FAM240C: variants seen among roughly 807,000 people sequenced by gnomAD.
The protein encoded by FAM240C is family with sequence similarity 240 member C.
A neutral mutation model predicts 10.0 loss-of-function variants in FAM240C; 14 were observed. The observed-to-expected ratio is 1.40, with a 90% CI of 0.92 to 2.19. The LOEUF is 2.19. Among genes scored for constraint, FAM240C ranks in the 30% most tolerant of loss-of-function variants. The pLI, the probability that FAM240C is intolerant of heterozygous loss-of-function variation, is 0.00. For missense variants in FAM240C, 154 were observed against 122.3 expected, an observed-to-expected ratio of 1.26 and a Z score of -1.22; for synonymous variants, 49 against 44.3, an observed-to-expected ratio of 1.11 and a Z score of -0.42.
intron 1 of FAM240C, 129 bp from the exon 2 acceptor site, chr2:241,897,463 T>G (rs13025557): frequency 0.71 from 798,805 of 1,131,508 alleles, 285,572 homozygotes; most frequent in East Asian, 0.94. Flanking sequence ...CCTTCCTGGT[T>G]CGTGGGGGAT....
chr2:241,897,539 G>A (rs28652708), intron 1 of FAM240C, among the ~76,000 whole-genome samples: 7,411 of 152,184 alleles, frequency 0.049, 602 homozygotes, highest in African/African-American at 0.17. Flanking sequence ...ACGCTCTACC[G>A]GCTCCACCTT....
rs1257614498 is a variant in FAM240C, at chr2:241,897,278, G to T, written c.69C>A (p.Gly23=). ...TTTTCTCCCAAAACATCTTTATCCC[G>T]CCTGAATCGTATGCTACTCTTCCAG... The part of the protein sequence containing the change: ...KNPGRVAYDS[G]GIKMFWEKKI... Residue 23 remains glycine, a synonymous_variant, in exon 2 of 3, where the codon GGC becomes GGA. Coordinates refer to ENST00000404031, the MANE Select transcript of FAM240C (RefSeq NM_001382368.1). 5.2e-6 allele frequency: 8 copies of T among 1,549,676 alleles called. No homozygotes were observed. Among genetic ancestry groups the T allele is most frequent in the Non-Finnish European group, 6.1e-6 (7 of 1,146,516 alleles).
intron 2 of FAM240C, among the ~76,000 whole-genome samples, chr2:241,896,573 G>GGGGTGTGGGTGTT (rs1701815960): frequency 1.1e-4 from 2 of 18,806 alleles, no homozygotes; most frequent in African/African-American, 3.2e-4. Context: ...GTGTGGGTGT[G>GGGGTGTGGGTGTT]GGGGTGTGGG....
upstream of FAM240C, among the ~76,000 whole-genome samples, chr2:241,901,286 C>G (rs1210257986): frequency 6.6e-6 from 1 of 152,198 alleles, no homozygotes; most frequent in East Asian, 1.9e-4. This position sits in a 1 kb window ranked among gnomAD's most constrained non-coding sequence, Gnocchi z 4.9. Flanking sequence ...ATCCATCCCT[C>G]CAGGCCTCAG....
At chr2:241,897,497 C>T (rs1701881502) in intron 1 of FAM240C, among the ~76,000 whole-genome samples, 163 bp from the exon 2 acceptor site, 1 of 152,174 alleles carries the variant, frequency 6.6e-6, no homozygotes. Context: ...CTCTGAGACT[C>T]AGGCCTCAGG....
chr2:241,901,838 C>T (rs1701990074), upstream of FAM240C, among the ~76,000 whole-genome samples: 2 of 152,206 alleles, frequency 1.3e-5, no homozygotes, highest in Admixed American at 6.5e-5. The surrounding 1 kb of genome is among the most constrained non-coding windows in gnomAD (Gnocchi z 4.9). Flanking sequence ...AGGTCCTATG[C>T]GCGAGCGCCC....
chr2:241,894,398 C>T (rs1354666524), intron 2 of FAM240C, 59 bp from the exon 3 acceptor site: 3 of 1,502,996 alleles, frequency 2.0e-6, no homozygotes, highest in Non-Finnish European at 2.7e-6. Context: ...TAGTGACGGC[C>T]AAGCCCGTGT....
At chr2:241,896,281 A>G (rs1266324207) in intron 2 of FAM240C, among the ~76,000 whole-genome samples, 1 of 152,188 alleles carries the variant, frequency 6.6e-6, no homozygotes, top group African/African-American at 2.4e-5. Context: ...CTCAGCACCC[A>G]TAGACCCCTG....
At chr2:241,895,757 G>A (rs1003345070) in intron 2 of FAM240C, among the ~76,000 whole-genome samples, 1 of 152,194 alleles carries the variant, frequency 6.6e-6, no homozygotes, top group African/African-American at 2.4e-5. Context: ...CACCTCAGGG[G>A]CCAGAGAAGG....
At chr2:241,898,697 C>A (rs534352915) in intron 1 of FAM240C, among the ~76,000 whole-genome samples, 5 of 152,340 alleles carry the variant, frequency 3.3e-5, no homozygotes, top group African/African-American at 1.2e-4. Context: ...ACGCGTGGAG[C>A]CTGGGTCCCT....
At chr2:241,898,451 C>T (rs1440042112) in intron 1 of FAM240C, among the ~76,000 whole-genome samples, 1 of 152,168 alleles carries the variant, frequency 6.6e-6, no homozygotes, top group Non-Finnish European at 1.5e-5. Flanking sequence ...ACTCTGGAGG[C>T]TGAGGCAGGA....
chr2:241,896,648 TGTGGGTGAA>T, intron 2 of FAM240C, among the ~76,000 whole-genome samples: 1 of 23,516 alleles, frequency 4.3e-5, no homozygotes, highest in Non-Finnish European at 9.6e-5. Context: ...GGTGAAGGGG[TGTGGGTGAA>T]GGGGTGTGGG....
At chr2:241,899,376 T>A in intron 1 of FAM240C, 1 of 980,192 alleles carries the variant, frequency 1.0e-6, no homozygotes, top group Non-Finnish European at 1.2e-6. Flanking sequence ...GCAAAGTTGA[T>A]CATGAAGGGA....
At chr2:241,895,683 T>C (rs1419590785) in intron 2 of FAM240C, among the ~76,000 whole-genome samples, 1 of 152,122 alleles carries the variant, frequency 6.6e-6, no homozygotes, top group East Asian at 1.9e-4. Context: ...GGAGGGGGGT[T>C]GTGCAAATGG....
chr2:241,898,595 G>A (rs567282627), intron 1 of FAM240C, among the ~76,000 whole-genome samples: 2 of 125,372 alleles, frequency 1.6e-5, no homozygotes, highest in African/African-American at 6.2e-5. Flanking sequence ...GTGACAAAGG[G>A]AAAGTGTCGA....
At chr2:241,897,514 C>T (rs1319452870) in intron 1 of FAM240C, among the ~76,000 whole-genome samples, 180 bp from the exon 2 acceptor site, 1 of 152,152 alleles carries the variant, frequency 6.6e-6, no homozygotes, top group Non-Finnish European at 1.5e-5. Flanking sequence ...CAGGTGGCTC[C>T]TGACCGGCTC....
At chr2:241,898,977 T>C in intron 1 of FAM240C, 1 of 586,840 alleles carries the variant, frequency 1.7e-6, no homozygotes, top group Non-Finnish European at 2.9e-6. Context: ...TGGCCTTGCT[T>C]GGCCTTGGAG....
intron 2 of FAM240C, 127 bp from the exon 3 acceptor site, chr2:241,894,466 G>C (rs554144276): frequency 1.8e-6 from 2 of 1,084,154 alleles, no homozygotes; most frequent in Non-Finnish European, 1.3e-6. Flanking sequence ...CCAGGGGTGG[G>C]GGTGTCACCG....
At chr2:241,900,562 G>A (rs768727829), upstream of FAM240C, 45 of 585,412 alleles carry the variant, frequency 7.7e-5, no homozygotes, top group Non-Finnish European at 1.3e-4. This position sits in a 1 kb window ranked among gnomAD's most constrained non-coding sequence, Gnocchi z 4.5. Flanking sequence ...CTGTCCGTCC[G>A]GAGGGCAGCT....
Sources: allele counts gnomAD v4.1 joint callset (sites outside exome capture counted in the v4.1 genomes callset), GRCh38; gene constraint gnomAD v4.1.1; non-coding constraint Gnocchi (gnomAD v3.1); transcripts MANE v1.5; gene names NCBI Gene and HGNC (gene_info 2026-07-23, HGNC 2026-07-21).